The following BTRC variants were observed in gnomAD, a reference collection of about 807,000 sequenced individuals.
BTRC encodes F-box/WD repeat-containing protein 1A.
Under a neutral mutation model 85.5 loss-of-function variants are expected in BTRC, and 42 were observed. The ratio of observed to expected loss-of-function variants is 0.49; its 90% CI spans 0.38 to 0.64. The LOEUF is 0.64. Ranked by LOEUF, BTRC falls within the 30% of genes least tolerant of loss-of-function variation. The pLI, the probability that BTRC is intolerant of heterozygous loss-of-function variation, is 0.00. For missense variants in BTRC, 594 were observed against 743.5 expected, an observed-to-expected ratio of 0.80 and a Z score of 2.34; for synonymous variants, 255 against 263.3, an observed-to-expected ratio of 0.97 and a Z score of 0.30.
chr10:101,520,849 T>TG (rs1443647254), intron 4 of BTRC, among the ~76,000 whole-genome samples: 1 of 152,022 alleles, frequency 6.6e-6, no homozygotes, highest in Non-Finnish European at 1.5e-5. Flanking sequence ...TCCCAATACT[T>TG]GGGAGGCTGA....
intron 13 of BTRC, among the ~76,000 whole-genome samples, chr10:101,550,319 C>G (rs978997879): frequency 2.6e-5 from 4 of 151,778 alleles, no homozygotes; most frequent in African/African-American, 7.3e-5. Context: ...GAGTCTCACT[C>G]TGTTGCCCAG....
At chr10:101,548,710 C>T (rs2062598044) in intron 13 of BTRC, among the ~76,000 whole-genome samples, 1 of 151,910 alleles carries the variant, frequency 6.6e-6, no homozygotes, top group Admixed American at 6.6e-5. Context: ...CGAGATTGCA[C>T]CACTGCACTC....
chr10:101,381,962 C>CTTTTTTTTTTTTTTTTTTTTTTTTT lies in BTRC; in HGVS notation c.48+27748_48+27772dup, dbSNP rs71016314. Among the ~76,000 whole-genome samples the CTTTTTTTTTTTTTTTTTTTTTTTTT allele has an allele frequency of 6.1e-5, 3 of 49,106 alleles. 1 individual carries two copies. Among genetic ancestry groups the CTTTTTTTTTTTTTTTTTTTTTTTTT allele is most frequent in the African/African-American group, 2.2e-4 (2 of 8,952 alleles). The allele number at this position is 49,106 out of a possible 152,430, so 32.2% of individuals were successfully genotyped here. A position where few individuals can be genotyped will look rare whatever the true frequency, so the allele number is the denominator to read the frequency against. On this transcript the variant is annotated intron_variant, in intron 1 of 14. Coordinates refer to ENST00000370187, the MANE Select transcript of BTRC (RefSeq NM_033637.4). ...GAACCCCTAGTTATCCTAAGAATGT[C>CTTTTTTTTTTTTTTTTTTTTTTTTT]TTTTTTTTTTTTTTTTTTTTTTTTT... is the stretch of plus-strand genomic sequence containing the variant.
chr10:101,542,453 T>A (rs904632618), intron 13 of BTRC, among the ~76,000 whole-genome samples: 1 of 152,206 alleles, frequency 6.6e-6, no homozygotes, highest in African/African-American at 2.4e-5. Flanking sequence ...AATATTCAGG[T>A]CTTCTGTATC....
chr10:101,449,840 A>G (rs1290304287), intron 2 of BTRC, among the ~76,000 whole-genome samples: 10 of 151,892 alleles, frequency 6.6e-5, no homozygotes, highest in African/African-American at 2.2e-4. Context: ...CCCTGAAAGA[A>G]TGGTTGTCCT....
chr10:101,532,032 G>A (rs1447144762), intron 7 of BTRC, among the ~76,000 whole-genome samples: 1 of 152,190 alleles, frequency 6.6e-6, no homozygotes, highest in African/African-American at 2.4e-5. Flanking sequence ...CTCTTGATGA[G>A]TAGTCTCTTT....
chr10:101,401,837 CAAAAAAAAAAAA>C (rs766212284), intron 1 of BTRC, among the ~76,000 whole-genome samples: 2 of 52,170 alleles, frequency 3.8e-5, no homozygotes, highest in African/African-American at 1.4e-4. Flanking sequence ...GACCTCATCT[CAAAAAAAAAAAA>C]AAAAAGAAAA....
At chr10:101,485,563 A>G (rs1945961151) in intron 4 of BTRC, among the ~76,000 whole-genome samples, 1 of 152,248 alleles carries the variant, frequency 6.6e-6, no homozygotes, top group Non-Finnish European at 1.5e-5. Context: ...TATTTTACAA[A>G]TCTAAAACTT....
intron 4 of BTRC, among the ~76,000 whole-genome samples, chr10:101,519,501 TTGCCAGC>T (rs1182019080): frequency 6.6e-6 from 1 of 152,196 alleles, no homozygotes; most frequent in Non-Finnish European, 1.5e-5. Context: ...ACCACATTCC[TTGCCAGC>T]TGTCCCCCTT....
intron 3 of BTRC, among the ~76,000 whole-genome samples, chr10:101,470,655 TC>T (rs907389574): frequency 2.0e-5 from 3 of 152,166 alleles, no homozygotes; most frequent in Non-Finnish European, 2.9e-5. Context: ...AAGGGATACT[TC>T]CTTTGGTCCT....
At chr10:101,356,201 T>C (rs907651210) in intron 1 of BTRC, among the ~76,000 whole-genome samples, 1 of 152,136 alleles carries the variant, frequency 6.6e-6, no homozygotes, top group Non-Finnish European at 1.5e-5. Flanking sequence ...GGGGTTTCAC[T>C]ATGTTGGCCA....
intron 4 of BTRC, among the ~76,000 whole-genome samples, chr10:101,503,550 T>A (rs1946445865): frequency 6.6e-6 from 1 of 152,186 alleles, no homozygotes; most frequent in South Asian, 2.1e-4. Flanking sequence ...CAGAGAGAAA[T>A]GTCTTCAGTC....
chr10:101,490,949 T>G (rs1946114112), intron 4 of BTRC, among the ~76,000 whole-genome samples: 8 of 151,842 alleles, frequency 5.3e-5, no homozygotes, highest in Admixed American at 5.3e-4. Flanking sequence ...TCCCAGCTAC[T>G]CAGGAAGCTG....
intron 13 of BTRC, among the ~76,000 whole-genome samples, chr10:101,540,264 T>A (rs548343000): frequency 6.6e-6 from 1 of 152,348 alleles, no homozygotes; most frequent in African/African-American, 2.4e-5. Flanking sequence ...CAGTTTGTAT[T>A]TTGGTCTATG....
intron 1 of BTRC, among the ~76,000 whole-genome samples, chr10:101,427,080 C>G (rs1487174757): frequency 6.6e-6 from 1 of 150,750 alleles, no homozygotes; most frequent in Admixed American, 6.6e-5. Context: ...TAACCAATTG[C>G]GTATGTACAG....
chr10:101,438,422 CAAAAAAAAAAAAAAA>C (rs34955428), intron 2 of BTRC, among the ~76,000 whole-genome samples: 15 of 57,776 alleles, frequency 2.6e-4, no homozygotes, highest in South Asian at 1.1e-3. Context: ...GAGACTGCCT[CAAAAAAAAAAAAAAA>C]AAAAAAAAAA....
At chr10:101,431,284 C>T (rs1475086487) in intron 2 of BTRC, among the ~76,000 whole-genome samples, 1 of 151,830 alleles carries the variant, frequency 6.6e-6, no homozygotes, top group African/African-American at 2.4e-5. Flanking sequence ...ACCATGTTGG[C>T]CAGGCTGGTC....
chr10:101,371,897 C>T (rs983464607), intron 1 of BTRC, among the ~76,000 whole-genome samples: 1 of 152,050 alleles, frequency 6.6e-6, no homozygotes, highest in Non-Finnish European at 1.5e-5. Context: ...GAGGGAGGCA[C>T]ACCTCACACA....
chr10:101,468,344 G>A (rs914389732), intron 3 of BTRC, among the ~76,000 whole-genome samples: 2 of 151,702 alleles, frequency 1.3e-5, no homozygotes, highest in East Asian at 1.9e-4. Context: ...AGTCCATATG[G>A]GCCCAATTCA....
Sources: allele counts gnomAD v4.1 joint callset (sites outside exome capture counted in the v4.1 genomes callset), GRCh38; gene constraint gnomAD v4.1.1; transcripts MANE v1.5; gene names NCBI Gene and HGNC (gene_info 2026-07-23, HGNC 2026-07-21).